The following VPS8 variants were observed in gnomAD, a reference collection of about 807,000 sequenced individuals.
The protein encoded by VPS8 is VPS8 subunit of CORVET complex, also known as vacuolar protein sorting-associated protein 8 homolog.
In VPS8, 129 loss-of-function variants were observed where a neutral mutation model predicts 216.4. The ratio of observed to expected loss-of-function variants is 0.60; its 90% confidence interval spans 0.52 to 0.69. VPS8 has a LOEUF of 0.69. Among genes scored for constraint, VPS8 ranks in the 30% least tolerant of loss-of-function variants. The pLI, the probability that VPS8 is intolerant of heterozygous loss-of-function variation, is 0.00. For missense variants in VPS8, 1,531 were observed against 1,683.5 expected (o/e 0.91, Z 1.59); for synonymous variants, 571 against 565.4 (o/e 1.01, Z -0.14).
At chr3:184,892,138 T>C (rs1732459078) in intron 22 of VPS8, among the ~76,000 whole-genome samples, 1 of 152,204 alleles carries the variant, frequency 6.6e-6, no homozygotes. Flanking sequence ...AAGTCAGCCC[T>C]TCTAGGAAAC....
chr3:184,987,635 A>C (rs977969224), intron 42 of VPS8, among the ~76,000 whole-genome samples: 1 of 152,168 alleles, frequency 6.6e-6, no homozygotes, highest in Non-Finnish European at 1.5e-5. Context: ...CATACCTATC[A>C]AAGAACATCT....
At chr3:184,923,523 T>G (rs1739033550) in intron 29 of VPS8, among the ~76,000 whole-genome samples, 1 of 152,204 alleles carries the variant, frequency 6.6e-6, no homozygotes, top group Non-Finnish European at 1.5e-5. Flanking sequence ...TCTGTTAATT[T>G]TATCCCATGT....
intron 39 of VPS8, among the ~76,000 whole-genome samples, chr3:184,970,061 C>T (rs1007776124): frequency 6.6e-6 from 1 of 151,608 alleles, no homozygotes; most frequent in Non-Finnish European, 1.5e-5. Flanking sequence ...CAGGCACCAG[C>T]CACCACACCC....
chr3:184,974,160 C>A (rs1284447534), intron 40 of VPS8, among the ~76,000 whole-genome samples: 1 of 152,188 alleles, frequency 6.6e-6, no homozygotes, highest in Non-Finnish European at 1.5e-5. Context: ...AATTTACATG[C>A]TCACCAACCA....
intron 40 of VPS8, among the ~76,000 whole-genome samples, chr3:184,974,219 ATCTT>A (rs1216258025): frequency 1.2e-4 from 19 of 152,100 alleles, no homozygotes; most frequent in African/African-American, 4.6e-4. Context: ...CTCATCTCTG[ATCTT>A]TTCTATCATA....
chr3:185,004,799 C>A (rs1299096925), intron 45 of VPS8, among the ~76,000 whole-genome samples: 1 of 151,968 alleles, frequency 6.6e-6, no homozygotes, highest in Non-Finnish European at 1.5e-5. Flanking sequence ...ATATTTTCTC[C>A]CACTCTATGG....
chr3:184,873,484 C>G (rs1429091200), intron 21 of VPS8, among the ~76,000 whole-genome samples: 1 of 152,100 alleles, frequency 6.6e-6, no homozygotes, highest in African/African-American at 2.4e-5. Flanking sequence ...TATCATAACT[C>G]TGTAAGGTGG....
At chr3:184,916,347 T>A (rs1235673789) in intron 28 of VPS8, among the ~76,000 whole-genome samples, 1 of 152,142 alleles carries the variant, frequency 6.6e-6, no homozygotes, top group African/African-American at 2.4e-5. Flanking sequence ...AAAATGCTTA[T>A]AGTGTTTAGC....
At chr3:184,832,887 T>C (rs1386770873) in intron 4 of VPS8, 68 bp downstream of exon 4, 2 of 1,534,822 alleles carry the variant, frequency 1.3e-6, no homozygotes. Context: ...GTAAATATTG[T>C]ACTTTTTAAA....
At chr3:184,917,564 G>A (rs1289183309) in intron 28 of VPS8, among the ~76,000 whole-genome samples, 2 of 152,126 alleles carry the variant, frequency 1.3e-5, no homozygotes, top group African/African-American at 4.8e-5. Context: ...CCAGTAGCCA[G>A]GATTATAGCA....
intron 39 of VPS8, among the ~76,000 whole-genome samples, chr3:184,967,243 C>T (rs1038899565): frequency 6.6e-6 from 1 of 152,164 alleles, no homozygotes; most frequent in African/African-American, 2.4e-5. Flanking sequence ...AGATTGTAGA[C>T]ATAAGCCACC....
chr3:184,991,498 G>A (rs1751888882), intron 42 of VPS8, among the ~76,000 whole-genome samples: 1 of 152,124 alleles, frequency 6.6e-6, no homozygotes, highest in Non-Finnish European at 1.5e-5. Flanking sequence ...ACAGTGAGAT[G>A]TACTGATACA....
chr3:184,971,518 C>A, intron 39 of VPS8, 131 bp from the exon 40 acceptor site: 1 of 564,862 alleles, frequency 1.8e-6, no homozygotes. Flanking sequence ...ACATTAGCAT[C>A]AGGTTTTATT....
At chr3:184,959,896 TG>T (rs1746216612) in intron 37 of VPS8, among the ~76,000 whole-genome samples, 1 of 152,146 alleles carries the variant, frequency 6.6e-6, no homozygotes, top group East Asian at 1.9e-4. Context: ...CGTGCAGGTT[TG>T]TTACATATGT....
rs768491819 is a variant in VPS8, at chr3:184,957,487, T to A, written c.3149T>A (p.Val1050Asp). 2.5e-6 allele frequency: 4 copies of A among 1,612,386 alleles called. No homozygotes were observed. Among genetic ancestry groups the A allele is most frequent in the Non-Finnish European group, 3.4e-6 (4 of 1,179,238 alleles). ...ACCCAAGTTATAGAGACTCTGCAAG[T>A]CCTTGAGTGCTACCGTCTGGAAGAA... is the stretch of plus-strand genomic sequence containing the variant. The part of the protein sequence containing the change: ...NPTQVIETLQ[V>D]LECYRLEETI... Residue 1050 changes from valine to aspartate, a missense_variant, in exon 37 of 48, where the codon GTC becomes GAC. Coordinates refer to ENST00000625842, the MANE Select transcript of VPS8 (RefSeq NM_001009921.3).
intron 36 of VPS8, among the ~76,000 whole-genome samples, chr3:184,941,109 G>A (rs540795747): frequency 6.6e-6 from 1 of 152,242 alleles, no homozygotes; most frequent in South Asian, 2.1e-4. Context: ...AATATATGCT[G>A]GCCATTGAAA....
chr3:184,949,870 TAG>T (rs781334902), intron 36 of VPS8, among the ~76,000 whole-genome samples: 8 of 142,172 alleles, frequency 5.6e-5, no homozygotes, highest in Non-Finnish European at 1.3e-4. Context: ...ATAGGGAAAA[TAG>T]GGGTTTTTGT....
chr3:184,936,842 A>G (rs1741739517), intron 35 of VPS8, among the ~76,000 whole-genome samples: 1 of 151,172 alleles, frequency 6.6e-6, no homozygotes, highest in East Asian at 1.9e-4. Context: ...GGTTCAAGCC[A>G]TTCTCCTGCC....
chr3:184,991,265 G>A (rs1361054907), intron 42 of VPS8, among the ~76,000 whole-genome samples: 1 of 152,166 alleles, frequency 6.6e-6, no homozygotes, highest in Non-Finnish European at 1.5e-5. Flanking sequence ...GGGTACCCAA[G>A]TATGCTCTTC....
Sources: allele counts gnomAD v4.1 joint callset (sites outside exome capture counted in the v4.1 genomes callset), GRCh38; gene constraint gnomAD v4.1.1; transcripts MANE v1.5; gene names NCBI Gene and HGNC (gene_info 2026-07-23, HGNC 2026-07-21).